Variants in ATXN7 observed in about 807,000 individuals in gnomAD.
ATXN7 encodes ataxin 7.
In ATXN7, 12 loss-of-function variants were observed where a neutral mutation model predicts 70.5. That is an observed-to-expected ratio of 0.17 (90% CI 0.11 to 0.28). ATXN7 has a LOEUF of 0.28. Among genes scored for constraint, ATXN7 ranks in the 10% least tolerant of loss-of-function variants. The pLI is 1.00. For missense variants in ATXN7, 1,256 were observed against 1,131.7 expected, an observed-to-expected ratio of 1.11 and a Z score of -1.58; for synonymous variants, 498 against 448.7, an observed-to-expected ratio of 1.11 and a Z score of -1.39.
intron 2 of ATXN7, among the ~76,000 whole-genome samples, chr3:63,911,169 CTG>C (rs1704001928): frequency 6.6e-6 from 1 of 152,164 alleles, no homozygotes; most frequent in African/African-American, 2.4e-5. Flanking sequence ...ATAAGAATCA[CTG>C]TTTTTGTCTC....
At chr3:63,884,221 A>G (rs1030896657) in intron 1 of ATXN7, among the ~76,000 whole-genome samples, 1 of 147,218 alleles carries the variant, frequency 6.8e-6, no homozygotes, top group Non-Finnish European at 1.5e-5. Context: ...ACACACACAC[A>G]CACACACACA....
chr3:63,931,025 A>G (rs771372515), intron 4 of ATXN7, among the ~76,000 whole-genome samples: 5 of 152,206 alleles, frequency 3.3e-5, no homozygotes, highest in Non-Finnish European at 7.3e-5. Flanking sequence ...AAGAACTGCT[A>G]AGAAAAGGTG....
chr3:63,950,864 CA>C (rs765444098), intron 4 of ATXN7, among the ~76,000 whole-genome samples: 2 of 152,104 alleles, frequency 1.3e-5, no homozygotes, highest in African/African-American at 4.8e-5. Flanking sequence ...TTTATACCAT[CA>C]AAGATGGTCA....
At chr3:63,899,612 A>T (rs1053814210) in intron 2 of ATXN7, among the ~76,000 whole-genome samples, 7 of 149,480 alleles carry the variant, frequency 4.7e-5, no homozygotes, top group Admixed American at 2.7e-4. Flanking sequence ...AACTCTAGAA[A>T]TTTTTTTTTT....
At position 63,982,310 on chromosome 3, in the gene ATXN7, C is replaced by G; in HGVS notation, c.877C>G (p.Pro293Ala). Residue 293 changes from proline to alanine, a missense_variant, in exon 7 of 13, where the codon CCC (proline) becomes GCC (alanine). Pro to Ala is a conservative substitution (Grantham distance 27, BLOSUM62 -1). Transcript: ENST00000674280. ...CTTAGTCAAGCCTGGCCTTAACTGCCCCTCAATACCAAAGCCAACCTTGCC... is the reference window on the plus strand; with the variant it reads ...CTTAGTCAAGCCTGGCCTTAACTGCGCCTCAATACCAAAGCCAACCTTGCC... Reference protein sequence around the residue: ...SSLVKPGLNCPSIPKPTLPSP... With the variant: ...SSLVKPGLNCASIPKPTLPSP... The G allele has an allele frequency of 6.2e-7, 1 of 1,614,154 alleles. No homozygotes were observed. The highest frequency in any genetic ancestry group is 1.3e-5 in the African/African-American group (1 of 75,028).
Position 63,912,896 on chromosome 3 carries a change from G to C in ATXN7, c.298G>C (p.Glu100Gln). The stretch of plus-strand genomic sequence containing the variant: ...GGGACAGTCGTGGAATCTGTGGGTT[G>C]AGGCTTCCAAACTTCCTGGGAAGGA... The part of the protein sequence containing the change: ...MLGQSWNLWV[E>Q]ASKLPGKDGT... The change falls in exon 3 of 13, where the codon GAG becomes CAG. Residue 100 changes from glutamate (E) to glutamine (Q), a missense_variant. Physicochemically the swap from Glu to Gln is conservative, Grantham distance 29 (BLOSUM62 2). Coordinates refer to ENST00000674280, the MANE Select transcript of ATXN7 (RefSeq NM_001377405.1). The C allele has an allele frequency of 1.9e-6, 3 of 1,613,466 alleles. No individual in the cohort carries two copies. The highest frequency in any genetic ancestry group is 2.5e-6 in the Non-Finnish European group (3 of 1,179,760).
chr3:63,920,630 C>G (rs996844357), intron 4 of ATXN7, among the ~76,000 whole-genome samples: 1 of 152,026 alleles, frequency 6.6e-6, no homozygotes, highest in African/African-American at 2.4e-5. Flanking sequence ...CTTGCTGTGC[C>G]TTACAACAGT....
chr3:63,871,875 CAG>C (rs557168067), intron 1 of ATXN7, among the ~76,000 whole-genome samples: 185 of 147,366 alleles, frequency 1.3e-3, no homozygotes, highest in African/African-American at 2.3e-3. Context: ...AAAAAAAAAA[CAG>C]ATTATAATTT....
chr3:63,913,947 T>C (rs1704158930), intron 4 of ATXN7, among the ~76,000 whole-genome samples: 1 of 152,148 alleles, frequency 6.6e-6, no homozygotes, highest in Non-Finnish European at 1.5e-5. Context: ...TCTTTTTCTT[T>C]GAATAGTAAG....
At chr3:63,983,925 G>A (rs1345862425) in intron 8 of ATXN7, among the ~76,000 whole-genome samples, 1 of 152,042 alleles carries the variant, frequency 6.6e-6, no homozygotes, top group Non-Finnish European at 1.5e-5. Context: ...TTAGAGGGAG[G>A]AAGTAAAAAT....
At chr3:63,930,944 C>T (rs56165216) in intron 4 of ATXN7, among the ~76,000 whole-genome samples, 23,875 of 152,112 alleles carry the variant, frequency 0.16, 1,954 homozygotes, top group Middle Eastern at 0.2. Flanking sequence ...TAAGAACTTG[C>T]GCATTGATTT....
intron 1 of ATXN7, among the ~76,000 whole-genome samples, chr3:63,869,265 T>C (rs962586857): frequency 1.3e-5 from 2 of 152,164 alleles, no homozygotes; most frequent in Admixed American, 1.3e-4. Context: ...CCAGTCTCCT[T>C]CTTTGAGTCT....
At chr3:63,980,245 C>T in intron 6 of ATXN7, 78 bp downstream of exon 6, 2 of 1,542,558 alleles carry the variant, frequency 1.3e-6, no homozygotes, top group South Asian at 1.2e-5. Context: ...GTGAGAGTGC[C>T]TGTGAGTAAT....
chr3:63,894,000 G>T (rs1703366758), intron 1 of ATXN7, among the ~76,000 whole-genome samples: 2 of 152,172 alleles, frequency 1.3e-5, no homozygotes, highest in Non-Finnish European at 2.9e-5. Context: ...ATATAACTTG[G>T]TTTAAACATT....
chr3:63,964,073 AACACACACACACACACAC>A (rs10557844), intron 5 of ATXN7, among the ~76,000 whole-genome samples: 1 of 147,076 alleles, frequency 6.8e-6, no homozygotes, highest in South Asian at 2.2e-4. Flanking sequence ...TAGACACATA[AACACACACACACACACAC>A]ACACACACAC....
chr3:63,892,490 CACA>C (rs1559622135), intron 1 of ATXN7, among the ~76,000 whole-genome samples: 19 of 150,124 alleles, frequency 1.3e-4, no homozygotes, highest in Non-Finnish European at 2.1e-4. Context: ...CACACACACA[CACA>C]CCCACACACA....
chr3:63,863,550 G>A, upstream of ATXN7: 2 of 1,195,578 alleles, frequency 1.7e-6, no homozygotes, highest in South Asian at 8.6e-5. Context: ...GGAAAGCCGA[G>A]GGTCTCCGAG....
intron 1 of ATXN7, among the ~76,000 whole-genome samples, chr3:63,879,754 A>G (rs1702852169): frequency 6.6e-6 from 1 of 152,128 alleles, no homozygotes. Context: ...AGAGTGAATT[A>G]GCAAAAAGAT....
chr3:63,948,157 A>ATT (rs766111886), intron 4 of ATXN7, among the ~76,000 whole-genome samples: 2 of 152,140 alleles, frequency 1.3e-5, no homozygotes, highest in Non-Finnish European at 2.9e-5. Context: ...TGGCAGGCCC[A>ATT]ATAGTGGTGG....
Sources: gnomAD v4.1 joint callset for allele counts (sites outside exome capture counted in the v4.1 genomes callset) on GRCh38, gnomAD v4.1.1 for gene constraint, MANE v1.5 for transcripts, NCBI Gene and HGNC (gene_info 2026-07-23, HGNC 2026-07-21) for gene names.